SH3YL1: variants seen among roughly 807,000 people sequenced by gnomAD.
SH3YL1 encodes the protein SH3 and SYLF domain containing 1, also known as SH3 domain-containing YSC84-like protein 1.
SH3YL1 carries 41 observed loss-of-function variants against 45.8 expected under a neutral mutation model. The observed-to-expected ratio is 0.89, with a 90% CI of 0.70 to 1.16. The LOEUF (loss-of-function observed/expected upper bound fraction) is 1.16. SH3YL1 is among the 50% of genes most tolerant of loss of function. SH3YL1 has a pLI of 0.00. For synonymous variants in SH3YL1, 152 were observed against 151.4 expected, an observed-to-expected ratio of 1.00 and a Z score of -0.03; for missense variants, 389 against 409.6, an observed-to-expected ratio of 0.95 and a Z score of 0.43.
At chr2:224,195 A>G (rs1667698759) in intron 9 of SH3YL1, among the ~76,000 whole-genome samples, 1 of 152,142 alleles carries the variant, frequency 6.6e-6, no homozygotes, top group Non-Finnish European at 1.5e-5. Flanking sequence ...TTTGTGTACC[A>G]CTCACATTTG....
chr2:236,675 A>G (rs955894752), intron 4 of SH3YL1, among the ~76,000 whole-genome samples: 1 of 152,212 alleles, frequency 6.6e-6, no homozygotes, highest in South Asian at 2.1e-4. Flanking sequence ...TAAAACATGC[A>G]AAGGTCAAGC....
chr2:241,798 AT>A (rs1424804870), intron 4 of SH3YL1: 7 of 152,124 alleles, frequency 4.6e-5, no homozygotes, highest in African/African-American at 1.7e-4. Flanking sequence ...GCAAAAGTAT[AT>A]TTCAAAAATG....
upstream of SH3YL1, chr2:264,569 A>AC (rs1179217171): frequency 7.1e-6 from 1 of 139,906 alleles, no homozygotes; most frequent in Non-Finnish European, 1.4e-5. Context: ...CCTCCAAGCG[A>AC]CCCGCAGCCC....
chr2:254,722 C>T (rs1669236580), intron 1 of SH3YL1, among the ~76,000 whole-genome samples: 1 of 152,194 alleles, frequency 6.6e-6, no homozygotes, highest in African/African-American at 2.4e-5. Flanking sequence ...TAAGAAGCTA[C>T]ACACCTCCCT....
Position 231,014 on chromosome 2 carries a change from A to G in SH3YL1, c.702+9T>C, listed in dbSNP as rs1005489921. ...AGAATACTGAGTGAAACATAAAACC[A>G]AACGGTACAGAAGACTTCCTCTGCT... On this transcript the variant is annotated intron_variant, in intron 7 of 9. Transcript: ENST00000356150. 2 of 1,613,858 alleles carry G rather than the reference A, an allele frequency of 1.2e-6. No homozygotes were observed. Among genetic ancestry groups the G allele is most frequent in the Non-Finnish European group, 1.7e-6 (2 of 1,179,774 alleles).
chr2:231,298 T>C (rs1311086099), intron 6 of SH3YL1, 107 bp from the exon 7 acceptor site: 5 of 792,004 alleles, frequency 6.3e-6, no homozygotes, highest in South Asian at 3.7e-5. Flanking sequence ...CATTCATACA[T>C]AGCACTTCAT....
intron 8 of SH3YL1, among the ~76,000 whole-genome samples, chr2:229,076 A>G (rs1023652058): frequency 3.3e-5 from 5 of 152,220 alleles, no homozygotes; most frequent in Admixed American, 6.5e-5. Flanking sequence ...TGACTCTTGT[A>G]TAACAGTCAA....
At chr2:221,833 T>C (rs1279505019) in intron 9 of SH3YL1, among the ~76,000 whole-genome samples, 2 of 152,234 alleles carry the variant, frequency 1.3e-5, no homozygotes, top group African/African-American at 4.8e-5. Flanking sequence ...GCCTATCTGC[T>C]TTCTCAGATA....
chr2:263,775 A>C, intron 1 of SH3YL1: 2 of 467,718 alleles, frequency 4.3e-6, no homozygotes, highest in Non-Finnish European at 7.7e-6. Flanking sequence ...AAAAATGGAA[A>C]AGACGGTGGC....
chr2:222,694 T>C (rs1667627736), intron 9 of SH3YL1: 1 of 152,238 alleles, frequency 6.6e-6, no homozygotes, highest in African/African-American at 2.4e-5. Context: ...GCCCAAGAAC[T>C]ACACAGCTGG....
intron 9 of SH3YL1, among the ~76,000 whole-genome samples, chr2:223,205 C>T (rs1316121223): frequency 1.3e-5 from 2 of 152,158 alleles, no homozygotes; most frequent in Admixed American, 6.5e-5. Flanking sequence ...TACGGGGGTT[C>T]GAACTGGAAT....
rs1164339355 is a variant in SH3YL1, at chr2:252,890, A to C, written c.112+115T>G. The C allele has an allele frequency of 1.2e-4, 77 of 637,480 alleles. No homozygotes were observed. In the East Asian group the frequency reaches 2.1e-3, roughly 18 times the overall value. 39.5% of individuals were successfully genotyped at this position (637,480 alleles called of 1,614,324 possible). A position where few individuals can be genotyped will look rare whatever the true frequency, so the allele number is the denominator to read the frequency against. On this transcript the variant is annotated intron_variant, in intron 2 of 9. Transcript: ENST00000356150. ...AAGGTGGTGGAACAAAAGGTGGCTG[A>C]ACTACTTGTTGGCATTGATGGAGGC...
rs752230859 is a variant in SH3YL1, at chr2:247,619, C to T, written c.227-17G>A. On this transcript the variant is annotated splice_polypyrimidine_tract_variant and intron_variant, in intron 3 of 9. Coordinates refer to ENST00000356150, the MANE Select transcript of SH3YL1 (RefSeq NM_015677.4). Reference sequence around the variant, plus strand: ...CAGACCATTCTAATAAAAAAACAAACGAACGTTATCCTAACATTAAAACAC... The same window carrying T: ...CAGACCATTCTAATAAAAAAACAAATGAACGTTATCCTAACATTAAAACAC... The T allele has an allele frequency of 9.1e-6, 14 of 1,546,540 alleles. No homozygotes were observed. Among genetic ancestry groups the T allele is most frequent in the South Asian group, 7.2e-5 (6 of 83,204 alleles).
intron 1 of SH3YL1, among the ~76,000 whole-genome samples, chr2:254,765 C>T (rs1669239405): frequency 6.6e-6 from 1 of 152,152 alleles, no homozygotes; most frequent in South Asian, 2.1e-4. Context: ...TCCCTGTGGA[C>T]AACAGATGGA....
chr2:254,200 G>GTA (rs1669207478), intron 1 of SH3YL1, among the ~76,000 whole-genome samples: 1 of 152,138 alleles, frequency 6.6e-6, no homozygotes, highest in Admixed American at 6.6e-5. Context: ...AAAACTCTAG[G>GTA]AAGACTTGGG....
chr2:245,010 G>C (rs1382444438), intron 4 of SH3YL1, among the ~76,000 whole-genome samples: 1 of 152,128 alleles, frequency 6.6e-6, no homozygotes, highest in East Asian at 1.9e-4. Flanking sequence ...CAGCCTGAGG[G>C]AACCACTCTG....
At chr2:262,387 G>T (rs767587526) in intron 1 of SH3YL1, 15 of 287,838 alleles carry the variant, frequency 5.2e-5, no homozygotes, top group Non-Finnish European at 1.0e-4. Context: ...TGTGGCTGGG[G>T]AAGGAAGAGG....
At chr2:243,491 GAC>G in intron 4 of SH3YL1, 1 of 1,511,714 alleles carries the variant, frequency 6.6e-7, no homozygotes, top group Non-Finnish European at 8.8e-7. Flanking sequence ...GGAAAATGAA[GAC>G]ACAACATACC....
intron 6 of SH3YL1, 33 bp from the exon 7 acceptor site, chr2:231,224 A>G (rs1558236988): frequency 2.7e-6 from 4 of 1,496,042 alleles, no homozygotes; most frequent in Non-Finnish European, 9.1e-7. Context: ...AAACATTTTA[A>G]TATACACAAA....
Sources: gnomAD v4.1 joint callset for allele counts (sites outside exome capture counted in the v4.1 genomes callset) on GRCh38, gnomAD v4.1.1 for gene constraint, MANE v1.5 for transcripts, NCBI Gene and HGNC (gene_info 2026-07-23, HGNC 2026-07-21) for gene names.